The following HTT variants were observed in gnomAD, a reference collection of about 807,000 sequenced individuals.
HTT encodes huntingtin.
In HTT, 104 loss-of-function variants were observed where a neutral mutation model predicts 362.3. The ratio of observed to expected loss-of-function variants is 0.29; its 90% CI spans 0.24 to 0.34. HTT has a LOEUF of 0.34. Ranked by LOEUF, HTT falls within the 10% of genes least tolerant of loss-of-function variation. The pLI, the probability that HTT is intolerant of heterozygous loss-of-function variation, is 1.00. For missense variants in HTT, 3,301 were observed against 3,928.6 expected (o/e 0.84, Z 4.27); for synonymous variants, 1,577 against 1,548.7 (o/e 1.02, Z -0.43).
chr4:3,084,599 A>G (rs1713099404), intron 1 of HTT, among the ~76,000 whole-genome samples: 1 of 151,848 alleles, frequency 6.6e-6, no homozygotes, highest in Admixed American at 6.6e-5. Context: ...CTGAGGCAAG[A>G]GAACTGCTTG....
chr4:3,078,288 G>A (rs958131922), intron 1 of HTT, among the ~76,000 whole-genome samples: 1 of 152,142 alleles, frequency 6.6e-6, no homozygotes. Flanking sequence ...ATAGGTGCAG[G>A]GCTCAGCAGT....
chr4:3,216,595 A>C (rs1453833415), intron 51 of HTT, among the ~76,000 whole-genome samples: 1 of 152,240 alleles, frequency 6.6e-6, no homozygotes, highest in Admixed American at 6.5e-5. Flanking sequence ...GAGTTAGAGC[A>C]ACGGGCCCTG....
chr4:3,090,266 A>G (rs1713428947), intron 2 of HTT, among the ~76,000 whole-genome samples: 3 of 152,232 alleles, frequency 2.0e-5, no homozygotes, highest in Admixed American at 1.3e-4. Context: ...AAAGTGGTCT[A>G]AGTTACTGGT....
chr4:3,091,264 A>ATATATGTAT (rs1713492927), intron 2 of HTT, among the ~76,000 whole-genome samples: 1 of 152,244 alleles, frequency 6.6e-6, no homozygotes, highest in Non-Finnish European at 1.5e-5. Flanking sequence ...TGGGTGTAAC[A>ATATATGTAT]TATATGTATT....
Position 3,212,229 on chromosome 4 carries a change from C to T in HTT, c.6628+87C>T. ...GCACCAAGTAAATGTACAATAAAGGCAGTGGATCTAATACATTGAAAGCGT... is the reference window on the plus strand; with the variant it reads ...GCACCAAGTAAATGTACAATAAAGGTAGTGGATCTAATACATTGAAAGCGT... On this transcript the variant is annotated intron_variant, in intron 48 of 66. Transcript: ENST00000355072. 3 of 1,024,222 alleles carry T rather than the reference C, an allele frequency of 2.9e-6. 1 individual carries two copies. The South Asian group carries it at 4.7e-5, about 16-fold the overall frequency. 63.4% of individuals were successfully genotyped at this position (1,024,222 alleles called of 1,614,324 possible).
chr4:3,228,077 A>C lies in HTT; in HGVS notation c.7849-538A>C, dbSNP rs13139388. Among the ~76,000 whole-genome samples, 2 of 152,154 alleles carry C rather than the reference A, an allele frequency of 1.3e-5. No individual in the cohort carries two copies. The highest frequency in any genetic ancestry group is 2.9e-5 in the Non-Finnish European group (2 of 68,020). ...CAGTGATGATGGAGAACAGCTTTTT[A>C]TGGGCACACAGCCCACAGCACTGTG... is the stretch of plus-strand genomic sequence containing the variant. On this transcript the variant is annotated intron_variant, in intron 57 of 66. Transcript: ENST00000355072. This position sits in a 1 kb window ranked among gnomAD's most constrained non-coding sequence, Gnocchi z 4.3.
At chr4:3,147,232 C>A (rs1716647491) in intron 25 of HTT, among the ~76,000 whole-genome samples, 1 of 152,218 alleles carries the variant, frequency 6.6e-6, no homozygotes, top group African/African-American at 2.4e-5. Context: ...TATGCCAGTA[C>A]TCCCTCGGGC....
chr4:3,121,463 T>C (rs2110177905), intron 9 of HTT, 31 bp downstream of exon 9: 2 of 1,503,092 alleles, frequency 1.3e-6, no homozygotes, highest in East Asian at 4.5e-5. Context: ...ACTCTTACAA[T>C]TAACTTTGCA....
At position 3,136,493 on chromosome 4, in the gene HTT, T is replaced by C. The variant is rs568912543; in HGVS notation, c.2798+167T>C. Among the ~76,000 whole-genome samples, 3 of 151,818 alleles carry C rather than the reference T, an allele frequency of 2.0e-5. No individual in the cohort carries two copies. The East Asian group carries it at 5.8e-4, about 29-fold the overall frequency. ...ATAATGAAAAAAAAATCCAAAAAAG[T>C]CTAAAATTATAATTAAAAAAACAAC... On this transcript the variant is annotated intron_variant, in intron 21 of 66. Coordinates refer to ENST00000355072, the MANE Select transcript of HTT (RefSeq NM_001388492.1).
rs184486879 is a variant in HTT at position 3,243,821 on chromosome 4, G to A, written c.*3762G>A. The A allele has an allele frequency of 1.3e-5, 2 of 152,400 alleles. No homozygotes were observed. The highest frequency in any genetic ancestry group is 2.1e-4 in the South Asian group (1 of 4,834). The allele number at this position is 152,400 out of a possible 1,614,324, so 9.4% of individuals were successfully genotyped here. A position where few individuals can be genotyped will look rare whatever the true frequency, so the allele number is the denominator to read the frequency against. ...GCTCCCCTGGAGCCAGCAGGGCTGT[G>A]ATGGGCGAGTCCCGGAGCCCCACCC... On this transcript the variant is annotated 3_prime_UTR_variant, in exon 67 of 67. Transcript: ENST00000355072.
chr4:3,082,981 G>C (rs1166570505), intron 1 of HTT, among the ~76,000 whole-genome samples: 3 of 152,214 alleles, frequency 2.0e-5, no homozygotes, highest in African/African-American at 7.2e-5. Flanking sequence ...GCTGTGGTTA[G>C]AAGGTGACAT....
intron 49 of HTT, among the ~76,000 whole-genome samples, chr4:3,213,290 T>A (rs918740689): frequency 6.6e-6 from 1 of 152,026 alleles, no homozygotes; most frequent in Non-Finnish European, 1.5e-5. Flanking sequence ...CCACGTGGAG[T>A]CATATGGTTT....
intron 26 of HTT, among the ~76,000 whole-genome samples, chr4:3,150,013 A>C (rs371531823): frequency 6.6e-6 from 1 of 152,006 alleles, no homozygotes; most frequent in African/African-American, 2.4e-5. Flanking sequence ...TGTCCTCTTC[A>C]GTTGGCTTTC....
chr4:3,148,654 T>C (rs1048066483), intron 26 of HTT, among the ~76,000 whole-genome samples: 6 of 152,190 alleles, frequency 3.9e-5, no homozygotes, highest in Non-Finnish European at 7.4e-5. Flanking sequence ...AAAAATTATC[T>C]GAGCATGGTG....
intron 29 of HTT, among the ~76,000 whole-genome samples, chr4:3,166,156 T>G (rs1405141548): frequency 6.6e-6 from 1 of 152,230 alleles, no homozygotes; most frequent in Non-Finnish European, 1.5e-5. Flanking sequence ...GTTTTCCTTC[T>G]AACAGACAGG....
chr4:3,104,389 A>T (rs1262385458), intron 4 of HTT, among the ~76,000 whole-genome samples: 4 of 151,684 alleles, frequency 2.6e-5, no homozygotes, highest in African/African-American at 9.7e-5. Flanking sequence ...GCAGGTGATC[A>T]CCTGAGATCA....
chr4:3,236,253 AG>A lies in HTT; in HGVS notation c.8891+1del. The A allele has an allele frequency of 6.2e-7, 1 of 1,604,592 alleles. No homozygotes were observed. The highest frequency in any genetic ancestry group is 8.5e-7 in the Non-Finnish European group (1 of 1,171,358). Reference sequence around the variant, plus strand: ...GGAGCGGGTATCTGTTCTTTTTGATAGGTAAGAAGCGAAGCCCCATCCCTCA... The same window carrying A: ...GGAGCGGGTATCTGTTCTTTTTGATAGTAAGAAGCGAAGCCCCATCCCTCA... ...AMERVSVLFD[R>X]IRKGFPCEAR... is the part of the protein sequence containing the mutation. On this transcript the variant is annotated frameshift_variant and splice_region_variant, in exon 64 of 67. Coordinates refer to ENST00000355072, the MANE Select transcript of HTT (RefSeq NM_001388492.1). LOFTEE classifies it high-confidence loss of function.
In HTT at chr4:3,206,756, T is replaced by A. The variant is rs1224173977; in HGVS notation, c.5899-51T>A. 2 of 1,588,484 alleles carry A rather than the reference T, an allele frequency of 1.3e-6. No individual in the cohort carries two copies. Reference sequence around the variant, plus strand: ...GGAGTATTGAAATTTTTAACTTTAATTTCTGATTTGCAAAATAGTCATCTT... The same window carrying A: ...GGAGTATTGAAATTTTTAACTTTAAATTCTGATTTGCAAAATAGTCATCTT... On this transcript the variant is annotated intron_variant, in intron 43 of 66. Coordinates refer to ENST00000355072, the MANE Select transcript of HTT (RefSeq NM_001388492.1). The surrounding 1 kb of genome is among the most constrained non-coding windows in gnomAD (Gnocchi z 4.6).
intron 49 of HTT, 54 bp downstream of exon 49, chr4:3,212,763 A>C (rs1483645228): frequency 3.1e-6 from 5 of 1,590,314 alleles, no homozygotes; most frequent in Non-Finnish European, 3.4e-6. Flanking sequence ...CATGGGGCTG[A>C]CACTGAAGAG....
Sources: allele counts gnomAD v4.1 joint callset (sites outside exome capture counted in the v4.1 genomes callset), GRCh38; gene constraint gnomAD v4.1.1; non-coding constraint Gnocchi (gnomAD v3.1); transcripts MANE v1.5; gene names NCBI Gene and HGNC (gene_info 2026-07-23, HGNC 2026-07-21).